The following VPS53 variants were observed in gnomAD, a reference collection of about 807,000 sequenced individuals.
VPS53 encodes the protein vacuolar protein sorting-associated protein 53 homolog.
In VPS53, 70 loss-of-function variants were observed where a neutral mutation model predicts 107.0. The ratio of observed to expected loss-of-function variants is 0.65; its 90% CI spans 0.54 to 0.80. VPS53 has a LOEUF of 0.80. Ranked by LOEUF, VPS53 falls within the 30% of genes least tolerant of loss-of-function variation. The probability of loss-of-function intolerance (pLI) is 0.00; values close to 1 mark genes in which losing one functional copy is unlikely to be tolerated. For missense variants in VPS53, 917 were observed against 1,049.4 expected (o/e 0.87, Z 1.74); for synonymous variants, 409 against 393.3 (o/e 1.04, Z -0.47).
chr17:672,807 G>C (rs1052842540), intron 4 of VPS53, among the ~76,000 whole-genome samples: 10 of 152,122 alleles, frequency 6.6e-5, no homozygotes, highest in African/African-American at 2.4e-4. Context: ...ATGATACAAA[G>C]AGCGATGAAT....
At chr17:545,346 C>T (rs556487204) in intron 17 of VPS53, among the ~76,000 whole-genome samples, 1 of 152,330 alleles carries the variant, frequency 6.6e-6, no homozygotes, top group Admixed American at 6.5e-5. Context: ...CGTATTCCTT[C>T]ATTCCCACAT....
chr17:591,910 G>A (rs951345567), intron 12 of VPS53, among the ~76,000 whole-genome samples: 4 of 152,094 alleles, frequency 2.6e-5, no homozygotes, highest in African/African-American at 7.2e-5. Context: ...TATTAGGTCC[G>A]CTTGGTGCAG....
intron 7 of VPS53, among the ~76,000 whole-genome samples, chr17:645,772 C>T (rs2143394738): frequency 6.6e-6 from 1 of 150,782 alleles, no homozygotes; most frequent in Middle Eastern, 3.4e-3. Flanking sequence ...GATAGGCTCC[C>T]ACACACATCT....
At chr17:584,060 C>T (rs1967190867) in intron 13 of VPS53, among the ~76,000 whole-genome samples, 1 of 152,300 alleles carries the variant, frequency 6.6e-6, no homozygotes, top group Admixed American at 6.5e-5. Flanking sequence ...TCCCTCAGAA[C>T]CCAATGTGTT....
chr17:581,804 T>C (rs1419241309), intron 13 of VPS53, among the ~76,000 whole-genome samples: 2 of 149,686 alleles, frequency 1.3e-5, no homozygotes, highest in Admixed American at 1.3e-4. Flanking sequence ...CAGAACCTAC[T>C]GCGTTCCCAG....
rs985356538 is a variant in VPS53 at position 714,836 on chromosome 17, T to C, written c.-127A>G. 15 of 1,038,338 alleles carry C rather than the reference T, an allele frequency of 1.4e-5. No individual in the cohort carries two copies. Among genetic ancestry groups the C allele is most frequent in the South Asian group, 2.6e-5 (2 of 75,788 alleles). 64.3% of individuals were successfully genotyped at this position (1,038,338 alleles called of 1,614,324 possible). On this transcript the variant is annotated 5_prime_UTR_variant, in exon 1 of 22. Coordinates refer to ENST00000437048, the MANE Select transcript of VPS53 (RefSeq NM_001128159.3). ...GTGAGCCCGGCTCCGTCAGCCGCTCTGTCAGCCGCTCCGGCACTTCCGGCA... is the reference window on the plus strand; with the variant it reads ...GTGAGCCCGGCTCCGTCAGCCGCTCCGTCAGCCGCTCCGGCACTTCCGGCA...
At chr17:551,165 T>C (rs1395997296) in intron 17 of VPS53, among the ~76,000 whole-genome samples, 1 of 152,002 alleles carries the variant, frequency 6.6e-6, no homozygotes, top group Non-Finnish European at 1.5e-5. Flanking sequence ...AAAGACATGG[T>C]CTGTGCACTT....
At chr17:627,612 T>TA (rs1969769423) in intron 9 of VPS53, among the ~76,000 whole-genome samples, 1 of 151,936 alleles carries the variant, frequency 6.6e-6, no homozygotes, top group Admixed American at 6.6e-5. Context: ...CCGTCCCTAC[T>TA]AAAAAATACA....
Position 577,478 on chromosome 17 carries a change from T to G in VPS53, c.1313+8792A>C, listed in dbSNP as rs377165781. Among the ~76,000 whole-genome samples, 26 of 146,138 alleles carry G rather than the reference T, an allele frequency of 1.8e-4. No homozygotes were observed. The East Asian group carries it at 5.0e-3, about 28-fold the overall frequency. On this transcript the variant is annotated intron_variant, in intron 13 of 21. Transcript: ENST00000437048. ...AATCTCAGTGCATTACCAGAAAACCTCCGTCAGGACCTAATGCGGTCCCAG... is the reference window on the plus strand; with the variant it reads ...AATCTCAGTGCATTACCAGAAAACCGCCGTCAGGACCTAATGCGGTCCCAG...
chr17:624,865 C>G (rs913248651), intron 10 of VPS53, among the ~76,000 whole-genome samples: 2 of 152,114 alleles, frequency 1.3e-5, no homozygotes, highest in African/African-American at 4.8e-5. Flanking sequence ...CTAAAAGGTT[C>G]TCTAAATCTA....
chr17:665,697 G>T (rs1597460398), intron 4 of VPS53, among the ~76,000 whole-genome samples: 1 of 152,176 alleles, frequency 6.6e-6, no homozygotes, highest in Non-Finnish European at 1.5e-5. Context: ...GTTGTGACCG[G>T]AGTGTTGGTA....
intron 11 of VPS53, among the ~76,000 whole-genome samples, chr17:623,087 A>G (rs944869942): frequency 1.3e-5 from 2 of 152,154 alleles, no homozygotes; most frequent in African/African-American, 2.4e-5. Flanking sequence ...TTTCCAATGG[A>G]GGCACGTAGT....
intron 12 of VPS53, among the ~76,000 whole-genome samples, chr17:596,981 C>T (rs965172300): frequency 1.3e-5 from 2 of 152,202 alleles, no homozygotes; most frequent in African/African-American, 4.8e-5. Context: ...CAGATTAAAT[C>T]GAACCGCTCG....
chr17:660,866 C>A (rs1483353777), intron 5 of VPS53, among the ~76,000 whole-genome samples: 1 of 152,184 alleles, frequency 6.6e-6, no homozygotes, highest in Non-Finnish European at 1.5e-5. Flanking sequence ...TCTGAGACAA[C>A]TGACAGACAG....
chr17:556,604 T>A (rs976712193), intron 15 of VPS53, among the ~76,000 whole-genome samples: 1 of 152,226 alleles, frequency 6.6e-6, no homozygotes, highest in African/African-American at 2.4e-5. Flanking sequence ...TTGAGAGGTA[T>A]GAGGTCATGA....
intron 11 of VPS53, among the ~76,000 whole-genome samples, chr17:617,850 C>A (rs1158451879): frequency 9.2e-5 from 6 of 65,346 alleles, no homozygotes; most frequent in Non-Finnish European, 1.5e-4. Context: ...TACAGGCGTG[C>A]GCCACCACGC....
chr17:519,062 GT>G lies in VPS53; in HGVS notation c.*65del. On this transcript the variant is annotated 3_prime_UTR_variant, in exon 22 of 22. Coordinates refer to ENST00000437048, the MANE Select transcript of VPS53 (RefSeq NM_001128159.3). This position sits in a 1 kb window ranked among gnomAD's most constrained non-coding sequence, Gnocchi z 5.0. ...GAGAGTGCCGGGGAGCACAGGAGAGGTTGGGGGCTTCTGGGGAACGGGCGCT... is the reference window on the plus strand; with the variant it reads ...GAGAGTGCCGGGGAGCACAGGAGAGGTGGGGGCTTCTGGGGAACGGGCGCT... The G allele has an allele frequency of 2.1e-6, 3 of 1,444,368 alleles. No homozygotes were observed. The highest frequency in any genetic ancestry group is 5.6e-5 in the Admixed American group (2 of 35,502). The allele number at this position is 1,444,368 out of a possible 1,614,324, so 89.5% of individuals were successfully genotyped here.
chr17:615,954 A>C (rs1191417032), intron 11 of VPS53: 4 of 152,252 alleles, frequency 2.6e-5, no homozygotes, highest in Non-Finnish European at 1.5e-5. Flanking sequence ...CGCAGAATAA[A>C]GGTGAAGAAG....
intron 13 of VPS53, among the ~76,000 whole-genome samples, chr17:573,920 G>A (rs926445244): frequency 1.3e-5 from 2 of 152,148 alleles, no homozygotes; most frequent in African/African-American, 4.8e-5. Context: ...TCCAGCCTCA[G>A]GATTCTTTGA....
Sources: allele counts gnomAD v4.1 joint callset (sites outside exome capture counted in the v4.1 genomes callset), GRCh38; gene constraint gnomAD v4.1.1; non-coding constraint Gnocchi (gnomAD v3.1); transcripts MANE v1.5; gene names NCBI Gene and HGNC (gene_info 2026-07-23, HGNC 2026-07-21).